The following COG5 variants were observed in gnomAD, a reference collection of about 807,000 sequenced individuals.
COG5 encodes conserved oligomeric Golgi complex subunit 5.
A neutral mutation model predicts 110.4 loss-of-function variants in COG5; 86 were observed. The ratio of observed to expected loss-of-function variants is 0.78; its 90% CI spans 0.65 to 0.93. The LOEUF is 0.93. Among genes scored for constraint, COG5 ranks in the 40% least tolerant of loss-of-function variants. The pLI is 0.00. For missense variants in COG5, 1,077 were observed against 987.0 expected (o/e 1.09, Z -1.22); for synonymous variants, 360 against 334.6 (o/e 1.08, Z -0.83).
intron 14 of COG5, among the ~76,000 whole-genome samples, chr7:107,275,739 G>C (rs1433707692): frequency 6.6e-6 from 1 of 151,476 alleles, no homozygotes; most frequent in East Asian, 1.9e-4. Flanking sequence ...GGTCAGGCTG[G>C]TCTTGAACTT....
At chr7:107,314,892 C>T (rs555378862) in intron 11 of COG5, among the ~76,000 whole-genome samples, 5 of 152,284 alleles carry the variant, frequency 3.3e-5, no homozygotes, top group African/African-American at 1.2e-4. Context: ...GGTATATAAA[C>T]TTTTAGTACT....
chr7:107,267,629 T>C (rs1322937715), intron 14 of COG5, among the ~76,000 whole-genome samples: 1 of 152,192 alleles, frequency 6.6e-6, no homozygotes, highest in African/African-American at 2.4e-5. Flanking sequence ...AATTTGATTA[T>C]AGTACAAACT....
intron 7 of COG5, among the ~76,000 whole-genome samples, chr7:107,386,718 C>T (rs1458076422): frequency 6.6e-6 from 1 of 152,144 alleles, no homozygotes; most frequent in African/African-American, 2.4e-5. Flanking sequence ...TAACCCAAAG[C>T]CCAAGGTTCC....
At position 107,496,268 on chromosome 7, in the gene COG5, A is replaced by G. The variant is rs190413710; in HGVS notation, c.538+30969T>C. Among the ~76,000 whole-genome samples, 3 of 152,324 alleles carry G rather than the reference A, an allele frequency of 2.0e-5. No individual in the cohort carries two copies. In the East Asian group the frequency reaches 5.8e-4, roughly 29 times the overall value. ...ACAGATGAAAAAAATCCTCAACAATATACTAGCAAACCAAATTCAGCTGTG... is the reference window on the plus strand; with the variant it reads ...ACAGATGAAAAAAATCCTCAACAATGTACTAGCAAACCAAATTCAGCTGTG... On this transcript the variant is annotated intron_variant, in intron 6 of 21. Coordinates refer to ENST00000297135, the MANE Select transcript of COG5 (RefSeq NM_006348.5).
intron 10 of COG5, among the ~76,000 whole-genome samples, chr7:107,335,321 T>C (rs1015741874): frequency 1.3e-5 from 2 of 152,092 alleles, no homozygotes; most frequent in Non-Finnish European, 2.9e-5. Flanking sequence ...ACCCGGGAAG[T>C]GGAGGTTGCG....
intron 6 of COG5, among the ~76,000 whole-genome samples, chr7:107,450,944 CACA>C (rs1795294883): frequency 6.6e-6 from 1 of 152,128 alleles, no homozygotes; most frequent in South Asian, 2.1e-4. Context: ...TTGCGCCAAC[CACA>C]ACAACTCTAA....
At chr7:107,387,358 C>G (rs771453974) in intron 7 of COG5, among the ~76,000 whole-genome samples, 1 of 152,168 alleles carries the variant, frequency 6.6e-6, no homozygotes, top group South Asian at 2.1e-4. Context: ...ACCCAGCCAG[C>G]AGCAGAAAAG....
chr7:107,394,389 G>C (rs1790840402), intron 7 of COG5, among the ~76,000 whole-genome samples: 1 of 151,092 alleles, frequency 6.6e-6, no homozygotes, highest in South Asian at 2.1e-4. Context: ...CCCTGCTTTA[G>C]AAATAATTAT....
chr7:107,450,818 C>T (rs1288609833), intron 6 of COG5, among the ~76,000 whole-genome samples: 2 of 152,188 alleles, frequency 1.3e-5, no homozygotes, highest in Non-Finnish European at 2.9e-5. Flanking sequence ...ATTGCGTCCA[C>T]TGTTGGTTTG....
chr7:107,397,344 G>A (rs1429041490), intron 7 of COG5, among the ~76,000 whole-genome samples: 1 of 152,102 alleles, frequency 6.6e-6, no homozygotes, highest in Non-Finnish European at 1.5e-5. Flanking sequence ...TAAGGATGAT[G>A]GAATGGAAAA....
intron 6 of COG5, among the ~76,000 whole-genome samples, chr7:107,451,271 A>T (rs1795319739): frequency 1.3e-5 from 2 of 152,198 alleles, no homozygotes; most frequent in African/African-American, 4.8e-5. Flanking sequence ...GCAGTGGTGA[A>T]GGGTTTCAGG....
intron 10 of COG5, among the ~76,000 whole-genome samples, chr7:107,336,045 C>A (rs962622915): frequency 2.0e-5 from 3 of 152,136 alleles, no homozygotes; most frequent in African/African-American, 7.2e-5. Flanking sequence ...ACCCCACTCT[C>A]AGTAATGGCC....
chr7:107,285,628 A>G (rs1805567273), intron 12 of COG5, among the ~76,000 whole-genome samples: 1 of 152,134 alleles, frequency 6.6e-6, no homozygotes, highest in Admixed American at 6.5e-5. Flanking sequence ...TTTTCCTTCC[A>G]CAAATATTAA....
At chr7:107,245,037 C>T (rs891847445) in intron 17 of COG5, among the ~76,000 whole-genome samples, 18 of 151,980 alleles carry the variant, frequency 1.2e-4, no homozygotes, top group African/African-American at 3.4e-4. Context: ...GCTTCATCCC[C>T]GGGACACGAG....
intron 11 of COG5, among the ~76,000 whole-genome samples, chr7:107,308,785 T>G (rs755881220): frequency 6.6e-6 from 1 of 152,154 alleles, no homozygotes; most frequent in Non-Finnish European, 1.5e-5. Context: ...TATGAATGTA[T>G]GGTGGATTTA....
intron 14 of COG5, among the ~76,000 whole-genome samples, chr7:107,263,646 A>G (rs768588615): frequency 1.3e-5 from 2 of 152,176 alleles, no homozygotes; most frequent in Non-Finnish European, 2.9e-5. Context: ...TAAAAATTAA[A>G]ATAATTCTTA....
At chr7:107,555,892 T>C (rs961711554) in intron 2 of COG5, among the ~76,000 whole-genome samples, 1 of 152,018 alleles carries the variant, frequency 6.6e-6, no homozygotes, top group South Asian at 2.1e-4. Flanking sequence ...TGCACACCTG[T>C]AATCTCAGCT....
chr7:107,277,098 ATAAAC>A (rs1364151641), intron 14 of COG5, among the ~76,000 whole-genome samples: 1 of 152,230 alleles, frequency 6.6e-6, no homozygotes, highest in African/African-American at 2.4e-5. Context: ...CAGAAGTAAA[ATAAAC>A]TATTCTACAC....
In COG5 at chr7:107,474,557, T is replaced by G; in HGVS notation, c.538+52680A>C. 6.2e-7 allele frequency: 1 copy of G among 1,610,742 alleles called. No homozygotes were observed. Among genetic ancestry groups the G allele is most frequent in the Non-Finnish European group, 8.5e-7 (1 of 1,178,336 alleles). On this transcript the variant is annotated intron_variant, in intron 6 of 21. Transcript: ENST00000297135. This position sits in a 1 kb window ranked among gnomAD's most constrained non-coding sequence, Gnocchi z 5.7. ...GTAATGTTAATGATATCCATTTGGA[T>G]TTTTTCTTTTTTCTCTTTCCTGATT...
Sources: gnomAD v4.1 joint callset for allele counts (sites outside exome capture counted in the v4.1 genomes callset) on GRCh38, gnomAD v4.1.1 for gene constraint, Gnocchi (gnomAD v3.1) non-coding constraint, MANE v1.5 for transcripts, NCBI Gene and HGNC (gene_info 2026-07-23, HGNC 2026-07-21) for gene names.